ZFPM2: variants seen among roughly 807,000 people sequenced by gnomAD.
ZFPM2 encodes zinc finger protein ZFPM2.
Under a neutral mutation model 98.6 loss-of-function variants are expected in ZFPM2, and 20 were observed. The observed-to-expected ratio is 0.20, with a 90% CI of 0.14 to 0.29. ZFPM2 has a LOEUF of 0.29. Ranked by LOEUF, ZFPM2 falls within the 10% of genes least tolerant of loss-of-function variation. The pLI is 1.00. For missense variants in ZFPM2, 1,310 were observed against 1,388.6 expected (o/e 0.94, Z 0.90); for synonymous variants, 518 against 502.7 (o/e 1.03, Z -0.41).
intron 5 of ZFPM2, chr8:105,787,276 T>C (rs1813440664): frequency 6.6e-6 from 1 of 152,248 alleles, no homozygotes; most frequent in Admixed American, 6.5e-5. Flanking sequence ...TATTCAACTG[T>C]GGTAAACTTG....
chr8:105,350,559 T>C (rs573511439), intron 1 of ZFPM2, among the ~76,000 whole-genome samples: 104 of 152,254 alleles, frequency 6.8e-4, no homozygotes, highest in African/African-American at 2.3e-3. Context: ...AGGTTATTGG[T>C]AGGAAGAATG....
intron 3 of ZFPM2, among the ~76,000 whole-genome samples, chr8:105,453,846 A>G (rs1812534043): frequency 6.6e-6 from 1 of 151,958 alleles, no homozygotes. Flanking sequence ...GCTAGTCTCA[A>G]ACTCCTGACC....
intron 5 of ZFPM2, among the ~76,000 whole-genome samples, chr8:105,764,385 G>A (rs1812811803): frequency 6.6e-6 from 1 of 150,740 alleles, no homozygotes; most frequent in Non-Finnish European, 1.5e-5. Context: ...AGCAATGTTT[G>A]CTGAATACAC....
intron 4 of ZFPM2, among the ~76,000 whole-genome samples, chr8:105,607,233 C>T (rs1201783459): frequency 6.6e-6 from 1 of 152,116 alleles, no homozygotes; most frequent in Non-Finnish European, 1.5e-5. Flanking sequence ...TCTAAAATTC[C>T]TCCTTCCTTC....
intron 1 of ZFPM2, among the ~76,000 whole-genome samples, chr8:105,364,065 A>G (rs1000699163): frequency 9.9e-5 from 15 of 152,078 alleles, no homozygotes; most frequent in Non-Finnish European, 2.2e-4. Context: ...CTCAATTCCT[A>G]TATAGTGGTC....
intron 1 of ZFPM2, among the ~76,000 whole-genome samples, chr8:105,396,592 T>G (rs1387981766): frequency 6.6e-6 from 1 of 152,192 alleles, no homozygotes; most frequent in Non-Finnish European, 1.5e-5. Context: ...TGAAGATTGG[T>G]TCAGACATCA....
chr8:105,736,454 T>C (rs183609263), intron 5 of ZFPM2, among the ~76,000 whole-genome samples: 1 of 152,088 alleles, frequency 6.6e-6, no homozygotes, highest in Admixed American at 6.6e-5. Flanking sequence ...CTTTGAGAAG[T>C]AAGCAGATAA....
At chr8:105,488,910 G>A (rs1202462165) in intron 3 of ZFPM2, among the ~76,000 whole-genome samples, 1 of 152,132 alleles carries the variant, frequency 6.6e-6, no homozygotes, top group African/African-American at 2.4e-5. Flanking sequence ...GACTCGATCT[G>A]TCCGGGTCCA....
intron 3 of ZFPM2, among the ~76,000 whole-genome samples, chr8:105,517,944 G>A (rs991788980): frequency 5.3e-5 from 8 of 152,064 alleles, no homozygotes; most frequent in Non-Finnish European, 8.8e-5. Flanking sequence ...CTTAGCAAAC[G>A]ACGAATACCC....
rs558062753 is a variant in ZFPM2, at chr8:105,698,008, A to G, written c.532+63651A>G. On this transcript the variant is annotated intron_variant, in intron 5 of 7. Coordinates refer to ENST00000407775, the MANE Select transcript of ZFPM2 (RefSeq NM_012082.4). ...ATTCATTTTCAGATCTCTGAATCAC[A>G]TATTTTGATATATTGTAATATGTTC... 2.6e-5 allele frequency among the ~76,000 whole-genome samples: 4 copies of G among 152,330 alleles called. No individual in the cohort carries two copies. The East Asian group carries it at 5.8e-4, about 22-fold the overall frequency.
At chr8:105,547,308 C>T (rs372799440) in intron 3 of ZFPM2, among the ~76,000 whole-genome samples, 3 of 151,630 alleles carry the variant, frequency 2.0e-5, no homozygotes, top group East Asian at 1.9e-4. Context: ...TTTGGGAGGC[C>T]GAGGCGGGTG....
chr8:105,794,601 C>G (rs1813732781), intron 6 of ZFPM2, among the ~76,000 whole-genome samples: 1 of 152,230 alleles, frequency 6.6e-6, no homozygotes, highest in Non-Finnish European at 1.5e-5. Context: ...AACCACTGCT[C>G]TCTTCAAAGC....
At chr8:105,517,707 C>A (rs1258548647) in intron 3 of ZFPM2, among the ~76,000 whole-genome samples, 2 of 124,890 alleles carry the variant, frequency 1.6e-5, no homozygotes, top group Non-Finnish European at 3.2e-5. Context: ...CACACACACA[C>A]CACACACACA....
chr8:105,480,313 T>G lies in ZFPM2; in HGVS notation c.301+35932T>G, dbSNP rs575733746. On this transcript the variant is annotated intron_variant, in intron 3 of 7. Coordinates refer to ENST00000407775, the MANE Select transcript of ZFPM2 (RefSeq NM_012082.4). ...CTAATTTGCCACTTCTTTCTTCCTT[T>G]CAGAATCATTTCATCTTCCTATGCC... Among the ~76,000 whole-genome samples, 10 of 152,300 alleles carry G rather than the reference T, an allele frequency of 6.6e-5. 1 individual carries two copies. The South Asian group carries it at 2.1e-3, about 32-fold the overall frequency.
At chr8:105,657,794 G>C (rs745644684) in intron 5 of ZFPM2, among the ~76,000 whole-genome samples, 4 of 152,100 alleles carry the variant, frequency 2.6e-5, no homozygotes, top group Non-Finnish European at 5.9e-5. Flanking sequence ...ATCTAGGTTT[G>C]TCCAAGACAC....
chr8:105,543,581 A>G (rs961640224), intron 3 of ZFPM2, among the ~76,000 whole-genome samples: 10 of 152,180 alleles, frequency 6.6e-5, no homozygotes, highest in Non-Finnish European at 1.3e-4. Context: ...AATTAAACCA[A>G]TTGGAAGAGT....
intron 3 of ZFPM2, among the ~76,000 whole-genome samples, chr8:105,459,847 A>G (rs1409380972): frequency 2.0e-5 from 3 of 152,176 alleles, no homozygotes; most frequent in African/African-American, 7.2e-5. Context: ...TTTTGGGGGA[A>G]CACAGTTCAG....
intron 4 of ZFPM2, among the ~76,000 whole-genome samples, chr8:105,584,186 G>A (rs1815662857): frequency 6.6e-6 from 1 of 151,678 alleles, no homozygotes; most frequent in Non-Finnish European, 1.5e-5. Context: ...TATCAGGAAT[G>A]TACTCTGCAA....
chr8:105,460,737 C>A (rs1157307401), intron 3 of ZFPM2, among the ~76,000 whole-genome samples: 1 of 151,604 alleles, frequency 6.6e-6, no homozygotes, highest in Non-Finnish European at 1.5e-5. Context: ...CAAATAAAAG[C>A]AAGAGTTTTC....
Sources: allele counts gnomAD v4.1 joint callset (sites outside exome capture counted in the v4.1 genomes callset), GRCh38; gene constraint gnomAD v4.1.1; transcripts MANE v1.5; gene names NCBI Gene and HGNC (gene_info 2026-07-23, HGNC 2026-07-21).